The following TBXAS1 variants were observed in gnomAD, a reference collection of about 807,000 sequenced individuals.
TBXAS1 encodes thromboxane A synthase 1.
Under a neutral mutation model 60.7 loss-of-function variants are expected in TBXAS1, and 48 were observed. The ratio of observed to expected loss-of-function variants is 0.79; its 90% CI spans 0.63 to 1.01. The LOEUF (loss-of-function observed/expected upper bound fraction) is 1.01. TBXAS1 is among the 50% of genes least tolerant of loss of function. TBXAS1 has a pLI of 0.00. For synonymous variants in TBXAS1, 287 were observed against 269.7 expected (o/e 1.06, Z -0.63); for missense variants, 685 against 686.3 (o/e 1.00, Z 0.02).
chr7:139,826,183 A>G (rs1347050416), upstream of TBXAS1, among the ~76,000 whole-genome samples: 1 of 152,122 alleles, frequency 6.6e-6, no homozygotes, highest in African/African-American at 2.4e-5. Flanking sequence ...CTGAACATGG[A>G]TTATTTCAGG....
At chr7:139,853,949 G>A (rs902099267) in intron 1 of TBXAS1, among the ~76,000 whole-genome samples, 3 of 152,102 alleles carry the variant, frequency 2.0e-5, no homozygotes, top group Non-Finnish European at 4.4e-5. Flanking sequence ...AGGATAGCCT[G>A]GGTGGGCTCC....
rs558875953 is a variant in TBXAS1 at position 139,985,067 on chromosome 7, A to C, written c.1135-22024A>C. On this transcript the variant is annotated intron_variant, in intron 9 of 12. Transcript: ENST00000448866. Reference sequence around the variant, plus strand: ...TGCCCTCCCCAGGATTCTGCTGGAGATCATTCTGCCAGTCACTCCAGGAGC... The same window carrying C: ...TGCCCTCCCCAGGATTCTGCTGGAGCTCATTCTGCCAGTCACTCCAGGAGC... Among the ~76,000 whole-genome samples the C allele has an allele frequency of 3.3e-5, 5 of 152,334 alleles. No individual in the cohort carries two copies. In the East Asian group the frequency reaches 9.6e-4, roughly 29 times the overall value.
At chr7:139,820,358 A>C (rs1427495886) in intron 4 of TBXAS1, among the ~76,000 whole-genome samples, 1 of 152,140 alleles carries the variant, frequency 6.6e-6, no homozygotes, top group African/African-American at 2.4e-5. Context: ...AATGAGAAGG[A>C]GATAGGATGG....
At chr7:139,920,930 G>A (rs1408867765) in intron 4 of TBXAS1, among the ~76,000 whole-genome samples, 3 of 152,114 alleles carry the variant, frequency 2.0e-5, no homozygotes, top group African/African-American at 2.4e-5. Context: ...TTTTTAATGC[G>A]ACTTTTTGCA....
Position 140,002,018 on chromosome 7 carries a change from C to T in TBXAS1, c.1135-5073C>T, listed in dbSNP as rs1013402539. 3.9e-5 allele frequency among the ~76,000 whole-genome samples: 6 copies of T among 152,296 alleles called. 1 individual carries two copies. In the Middle Eastern group the frequency reaches 0.02, roughly 518 times the overall value. On this transcript the variant is annotated intron_variant, in intron 9 of 12. Transcript: ENST00000448866. ...TTTGCATCCTGATAGACTGGAAGCT[C>T]CGAGAGGCTAGGACATGTCCGTGCA... is the stretch of plus-strand genomic sequence containing the variant.
chr7:139,981,943 A>G (rs1029813461), intron 9 of TBXAS1, among the ~76,000 whole-genome samples: 1 of 152,282 alleles, frequency 6.6e-6, no homozygotes, highest in Non-Finnish European at 1.5e-5. Context: ...ATAAATTAAC[A>G]TAAATTTGCA....
upstream of TBXAS1, among the ~76,000 whole-genome samples, chr7:139,828,745 A>T (rs75911041): frequency 0.017 from 2,616 of 152,312 alleles, 30 homozygotes; most frequent in Middle Eastern, 0.031. Context: ...CACCATGAGA[A>T]CACTGACCCC....
At chr7:139,883,229 T>A (rs1455832373) in intron 3 of TBXAS1, among the ~76,000 whole-genome samples, 1 of 151,378 alleles carries the variant, frequency 6.6e-6, no homozygotes, top group Non-Finnish European at 1.5e-5. Flanking sequence ...GAACCATTAA[T>A]AGACTCTTCA....
intron 1 of TBXAS1, among the ~76,000 whole-genome samples, chr7:139,837,038 A>T (rs558739332): frequency 5.3e-5 from 8 of 152,354 alleles, no homozygotes; most frequent in African/African-American, 1.9e-4. Context: ...TATATAAATG[A>T]CCAACAAACA....
chr7:139,829,513 G>T (rs370214777), intron 1 of TBXAS1, 34 bp downstream of exon 1: 1 of 1,597,190 alleles, frequency 6.3e-7, no homozygotes, highest in African/African-American at 1.3e-5. Context: ...CTGTGACAGC[G>T]TCAGCCGTCT....
intron 3 of TBXAS1, among the ~76,000 whole-genome samples, chr7:139,897,800 C>A (rs1269654157): frequency 6.6e-6 from 1 of 152,176 alleles, no homozygotes; most frequent in Non-Finnish European, 1.5e-5. Context: ...TGTTGCCTGA[C>A]CCTGCTCAGA....
At position 139,969,647 on chromosome 7, in the gene TBXAS1, C is replaced by T. The variant is rs372397264; in HGVS notation, c.1134+7414C>T. Among the ~76,000 whole-genome samples, 102 of 152,248 alleles carry T rather than the reference C, an allele frequency of 6.7e-4. No individual in the cohort carries two copies. The Middle Eastern group carries it at 0.017, about 25-fold the overall frequency. ...CACCCAGGGAGGAGGGCATGGTTGGCTTTGAGATCAAGTAGAAAACTGGAA... is the reference window on the plus strand; with the variant it reads ...CACCCAGGGAGGAGGGCATGGTTGGTTTTGAGATCAAGTAGAAAACTGGAA... On this transcript the variant is annotated intron_variant, in intron 9 of 12. Coordinates refer to ENST00000448866, the MANE Select transcript of TBXAS1 (RefSeq NM_001061.7).
intron 2 of TBXAS1, among the ~76,000 whole-genome samples, chr7:139,872,875 C>T (rs56380154): frequency 0.02 from 3,058 of 152,222 alleles, 76 homozygotes; most frequent in African/African-American, 0.05. Context: ...TCCATTCACT[C>T]ACCCATTTCC....
intron 3 of TBXAS1, among the ~76,000 whole-genome samples, chr7:139,885,546 T>G (rs1803026324): frequency 6.6e-6 from 1 of 152,206 alleles, no homozygotes. Flanking sequence ...TCTCAAAAAG[T>G]GCACACATTT....
chr7:139,784,886 T>G (rs1797137221), intron 3 of TBXAS1, among the ~76,000 whole-genome samples: 2 of 104,294 alleles, frequency 1.9e-5, no homozygotes, highest in African/African-American at 1.1e-4. Flanking sequence ...AAGTGTATAA[T>G]GCGTGGCTGA....
At chr7:139,869,681 G>T (rs1801680850) in intron 1 of TBXAS1, among the ~76,000 whole-genome samples, 1 of 152,154 alleles carries the variant, frequency 6.6e-6, no homozygotes. Context: ...CAGCAGCCGT[G>T]CCTGGCCTAT....
chr7:140,011,779 GTACTAAAAC>G (rs1814639505), intron 10 of TBXAS1, among the ~76,000 whole-genome samples: 4 of 152,072 alleles, frequency 2.6e-5, no homozygotes, highest in Non-Finnish European at 4.4e-5. Flanking sequence ...CACAATGAAT[GTACTAAAAC>G]CACAGAACTG....
chr7:139,821,333 T>G (rs1287504827), intron 4 of TBXAS1, among the ~76,000 whole-genome samples: 1 of 152,176 alleles, frequency 6.6e-6, no homozygotes. Context: ...CTGGATATAT[T>G]GGTCTGAAAC....
At chr7:139,907,848 AT>A (rs1272100223) in intron 3 of TBXAS1, among the ~76,000 whole-genome samples, 6 of 152,110 alleles carry the variant, frequency 3.9e-5, no homozygotes, top group African/African-American at 1.2e-4. Context: ...TGGTTGTAAG[AT>A]TATTCAGATT....
Sources: gnomAD v4.1 joint callset for allele counts (sites outside exome capture counted in the v4.1 genomes callset) on GRCh38, gnomAD v4.1.1 for gene constraint, MANE v1.5 for transcripts, NCBI Gene and HGNC (gene_info 2026-07-23, HGNC 2026-07-21) for gene names.